SLC30A8: variants seen among roughly 807,000 people sequenced by gnomAD.
SLC30A8 encodes the protein proton-coupled zinc antiporter SLC30A8.
A neutral mutation model predicts 36.9 loss-of-function variants in SLC30A8; 27 were observed. The observed-to-expected ratio is 0.73, with a 90% CI of 0.54 to 1.01. The LOEUF is 1.01. Ranked by LOEUF, SLC30A8 falls within the 50% of genes least tolerant of loss-of-function variation. SLC30A8 has a pLI of 0.00. For synonymous variants in SLC30A8, 164 were observed against 172.4 expected, an observed-to-expected ratio of 0.95 and a Z score of 0.38; for missense variants, 439 against 452.0, an observed-to-expected ratio of 0.97 and a Z score of 0.26.
chr8:117,146,943 C>T lies in SLC30A8; in HGVS notation c.72-11C>T, dbSNP rs772687155. The stretch of plus-strand genomic sequence containing the variant: ...ATGTTCACTTCTTGCTTCTGTCAAA[C>T]TCATCCATAGTGTGGAACTCCAACA... On this transcript the variant is annotated splice_polypyrimidine_tract_variant and intron_variant, in intron 1 of 7. Coordinates refer to ENST00000456015, the MANE Select transcript of SLC30A8 (RefSeq NM_173851.3). The T allele has an allele frequency of 1.2e-5, 19 of 1,613,564 alleles. No homozygotes were observed. The highest frequency in any genetic ancestry group is 1.4e-5 in the Non-Finnish European group (16 of 1,179,824).
At chr8:117,141,476 T>C (rs947693070) in intron 1 of SLC30A8, among the ~76,000 whole-genome samples, 1 of 152,292 alleles carries the variant, frequency 6.6e-6, no homozygotes, top group African/African-American at 2.4e-5. Flanking sequence ...CCTTTAATTA[T>C]ATAAACACCT....
intron 1 of SLC30A8, among the ~76,000 whole-genome samples, chr8:116,957,847 A>G (rs1414520896): frequency 3.3e-5 from 5 of 152,164 alleles, no homozygotes; most frequent in Admixed American, 6.5e-5. Flanking sequence ...GCACTGGGCA[A>G]CCAAAAATCA....
chr8:117,044,237 C>T (rs149657288), intron 2 of SLC30A8, among the ~76,000 whole-genome samples: 172 of 152,300 alleles, frequency 1.1e-3, no homozygotes, highest in African/African-American at 3.8e-3. Context: ...ACCATTGTTT[C>T]TGGGGCTGCT....
chr8:117,033,291 A>G (rs1817113171), intron 1 of SLC30A8, among the ~76,000 whole-genome samples: 1 of 152,254 alleles, frequency 6.6e-6, no homozygotes. Flanking sequence ...TGATGTATCT[A>G]TGCAATGGAA....
intron 2 of SLC30A8, among the ~76,000 whole-genome samples, chr8:117,085,548 G>A (rs1421949466): frequency 6.6e-6 from 1 of 152,150 alleles, no homozygotes; most frequent in Non-Finnish European, 1.5e-5. Context: ...CAGATGAATT[G>A]TACAGTAATG....
At chr8:117,060,499 A>C (rs1817996727) in intron 2 of SLC30A8, among the ~76,000 whole-genome samples, 1 of 152,172 alleles carries the variant, frequency 6.6e-6, no homozygotes. Context: ...GTGCATAGCC[A>C]AATATAGATG....
chr8:117,023,276 C>A (rs969700738), intron 1 of SLC30A8, among the ~76,000 whole-genome samples: 1 of 152,168 alleles, frequency 6.6e-6, no homozygotes, highest in African/African-American at 2.4e-5. Flanking sequence ...GTTGGTGGGA[C>A]TGTAAACTAG....
chr8:117,163,059 G>A (rs1169187469), intron 5 of SLC30A8, among the ~76,000 whole-genome samples: 1 of 152,220 alleles, frequency 6.6e-6, no homozygotes, highest in Non-Finnish European at 1.5e-5. Context: ...AGGCCAAAAA[G>A]TCTTTGGATC....
In SLC30A8 at chr8:117,135,337, C is replaced by T; in HGVS notation, c.10C>T (p.Leu4Phe). 6.3e-7 allele frequency: 1 copy of T among 1,593,516 alleles called. No homozygotes were observed. Among genetic ancestry groups the T allele is most frequent in the Non-Finnish European group, 8.6e-7 (1 of 1,167,660 alleles). Reference protein sequence around the residue: MEFLERTYLVNDKA... With the variant: MEFFERTYLVNDKA... ...GCTCATCCTGGCCGTCATGGAGTTT[C>T]TTGAAAGAACGTATCTTGTGAATGA... Residue 4 changes from leucine (L) to phenylalanine (F), a missense_variant, in exon 1 of 8, where the codon CTT becomes TTT. Transcript: ENST00000456015.
chr8:117,136,672 C>A (rs1821374919), intron 1 of SLC30A8, among the ~76,000 whole-genome samples: 1 of 151,792 alleles, frequency 6.6e-6, no homozygotes, highest in Non-Finnish European at 1.5e-5. Flanking sequence ...AAAAACAAAG[C>A]CTTGTGGTAA....
chr8:117,071,966 C>T lies in SLC30A8; in HGVS notation c.-226+32708C>T, dbSNP rs377490126. 8.5e-5 allele frequency among the ~76,000 whole-genome samples: 13 copies of T among 152,122 alleles called. No individual in the cohort carries two copies. In the East Asian group the frequency reaches 1.4e-3, roughly 16 times the overall value. ...CCCTTCTCTGCCTTGTTTTGTTCTG[C>T]GTTCTAAGAGCCTAACTCTTACAGA... On this transcript the variant is annotated intron_variant, in intron 2 of 10. Transcript: ENST00000427715.
chr8:116,980,846 A>G (rs879582972), intron 1 of SLC30A8, among the ~76,000 whole-genome samples: 1 of 152,230 alleles, frequency 6.6e-6, no homozygotes, highest in African/African-American at 2.4e-5. Flanking sequence ...TGATTTTCAC[A>G]TATTAATTAT....
intron 2 of SLC30A8, among the ~76,000 whole-genome samples, chr8:117,073,614 C>T (rs1347378126): frequency 6.6e-6 from 1 of 152,202 alleles, no homozygotes; most frequent in East Asian, 1.9e-4. Context: ...AAATAGGCCA[C>T]TATTCTTTAA....
intron 2 of SLC30A8, among the ~76,000 whole-genome samples, chr8:117,061,954 G>A (rs1403913272): frequency 6.6e-6 from 1 of 152,226 alleles, no homozygotes; most frequent in Non-Finnish European, 1.5e-5. Context: ...TACTGTGGCA[G>A]GGTGTTATGT....
intron 1 of SLC30A8, among the ~76,000 whole-genome samples, chr8:116,952,959 G>A (rs544926936): frequency 6.7e-4 from 101 of 151,764 alleles, no homozygotes; most frequent in Non-Finnish European, 1.1e-3. Flanking sequence ...TTAGGGGCAT[G>A]GTTAATCTCA....
At chr8:117,014,412 A>G (rs1158470253) in intron 1 of SLC30A8, among the ~76,000 whole-genome samples, 1 of 152,160 alleles carries the variant, frequency 6.6e-6, no homozygotes, top group African/African-American at 2.4e-5. Context: ...AGAATGGCTG[A>G]TGAGTCTGTG....
At chr8:116,996,311 C>G (rs1198395261) in intron 1 of SLC30A8, among the ~76,000 whole-genome samples, 1 of 152,166 alleles carries the variant, frequency 6.6e-6, no homozygotes, top group Non-Finnish European at 1.5e-5. Context: ...TTTGGGCTTT[C>G]AGTCAGGAGC....
chr8:117,097,650 TAATA>T (rs1220708235), intron 2 of SLC30A8, among the ~76,000 whole-genome samples: 1 of 43,564 alleles, frequency 2.3e-5, no homozygotes, highest in Admixed American at 3.7e-4. Context: ...TAATTTTAAA[TAATA>T]TATATAATAT....
At chr8:116,965,484 C>G (rs1814570782) in intron 1 of SLC30A8, among the ~76,000 whole-genome samples, 1 of 152,204 alleles carries the variant, frequency 6.6e-6, no homozygotes, top group Admixed American at 6.5e-5. Context: ...AAATGTCTTA[C>G]ATTTACCTGC....
Sources: allele counts gnomAD v4.1 joint callset (sites outside exome capture counted in the v4.1 genomes callset), GRCh38; gene constraint gnomAD v4.1.1; transcripts MANE v1.5; gene names NCBI Gene and HGNC (gene_info 2026-07-23, HGNC 2026-07-21).